Variants in ANO9 observed in about 807,000 individuals in gnomAD.
ANO9 encodes the protein anoctamin 9, also known as anoctamin-9.
A neutral mutation model predicts 100.5 loss-of-function variants in ANO9; 80 were observed. The ratio of observed to expected loss-of-function variants is 0.80; its 90% CI spans 0.66 to 0.96. The LOEUF (loss-of-function observed/expected upper bound fraction) is 0.96, where lower values mean the gene tolerates loss of function less well. Among genes scored for constraint, ANO9 ranks in the 40% least tolerant of loss-of-function variants. The pLI is 0.00. For missense variants in ANO9, 1,064 were observed against 1,072.7 expected (o/e 0.99, Z 0.11); for synonymous variants, 473 against 435.6 (o/e 1.09, Z -1.07).
rs1487739110 is a variant in ANO9 at position 433,940 on chromosome 11, G to A, written c.82-3C>T. On this transcript the variant is annotated splice_polypyrimidine_tract_variant and splice_region_variant and intron_variant, in intron 2 of 22. Transcript: ENST00000332826. The stretch of plus-strand genomic sequence containing the variant: ...TCCCACTGCTCGGAGGCCTCGGTCT[G>A]CAGGGAGGAGGCATGGGGCCAGGCG... 3 of 1,559,618 alleles carry A rather than the reference G, an allele frequency of 1.9e-6. No individual in the cohort carries two copies. The highest frequency in any genetic ancestry group is 2.6e-6 in the Non-Finnish European group (3 of 1,151,608).
chr11:428,748 C>T lies in ANO9; in HGVS notation c.994G>A (p.Val332Ile), dbSNP rs117136259. ...PYQHSYLRST[V>I]ILVLTLLMIC... is the part of the protein sequence containing the mutation. ...ATGAGCAGGGTCAGGACGAGGATGA[C>T]GGTGCTGCGTAGGTAGGAGTGCTGG... Residue 332 changes from valine (V) to isoleucine (I), a missense_variant, in exon 12 of 23, where the codon GTC (valine) becomes ATC (isoleucine). Coordinates refer to ENST00000332826, the MANE Select transcript of ANO9 (RefSeq NM_001012302.3). The T allele has an allele frequency of 2.5e-5, 40 of 1,613,352 alleles. 1 individual carries two copies. The East Asian group carries it at 3.8e-4, about 15-fold the overall frequency.
intron 1 of ANO9, among the ~76,000 whole-genome samples, chr11:436,353 C>T (rs541986904): frequency 1.4e-4 from 21 of 152,066 alleles, no homozygotes; most frequent in Non-Finnish European, 2.9e-4. Flanking sequence ...AGGTGTGAGC[C>T]ACCACGCCCG....
At chr11:435,548 GGTCTA>G (rs1383411168) in intron 1 of ANO9, among the ~76,000 whole-genome samples, 3 of 99,120 alleles carry the variant, frequency 3.0e-5, no homozygotes, top group Non-Finnish European at 6.3e-5. Context: ...AGTCTAGTAT[GGTCTA>G]GTCTAGTCTA....
At position 419,563 on chromosome 11, in the gene ANO9, A is replaced by G; in HGVS notation, c.1934+19T>C. On this transcript the variant is annotated intron_variant, in intron 20 of 22. Coordinates refer to ENST00000332826, the MANE Select transcript of ANO9 (RefSeq NM_001012302.3). ...GGGCCAGTTTCTCCCAGGGGTCTCC[A>G]GACACCCTGAGGCCTTACTCGACAG... The G allele has an allele frequency of 6.2e-7, 1 of 1,611,494 alleles. No homozygotes were observed. Among genetic ancestry groups the G allele is most frequent in the East Asian group, 2.2e-5 (1 of 44,860 alleles).
intron 9 of ANO9, 27 bp downstream of exon 9, chr11:430,044 TCTTCCGCAGGCC>T: frequency 6.5e-7 from 1 of 1,539,202 alleles, no homozygotes; most frequent in Non-Finnish European, 8.8e-7. Flanking sequence ...ACCGTTCCCA[TCTTCCGCAGGCC>T]CTGGGGTGGA....
At chr11:441,375 C>A (rs1276976736) in intron 1 of ANO9, among the ~76,000 whole-genome samples, 3 of 152,128 alleles carry the variant, frequency 2.0e-5, no homozygotes, top group Non-Finnish European at 4.4e-5. Flanking sequence ...CGCCCACCCC[C>A]AGAATCGGAA....
rs1847957225 is a variant in ANO9 at position 418,182 on chromosome 11, G to A, written c.*189C>T. On this transcript the variant is annotated 3_prime_UTR_variant, in exon 23 of 23. Transcript: ENST00000332826. ...AGTCAGGGCTGTGCCAAGCCTGAGA[G>A]CCCCCACAAAGACGGAGCAGGCGGA... The A allele has an allele frequency of 3.2e-6, 2 of 629,808 alleles. No homozygotes were observed. The allele number at this position is 629,808 out of a possible 1,614,324, so 39.0% of individuals were successfully genotyped here.
Position 433,340 on chromosome 11 carries a change from C to T in ANO9, c.324G>A (p.Ala108=), listed in dbSNP as rs377458433. ...EGPAPHAELA[A]PTTIPVTTSL... ...TCGTGGTGACCGGGATGGTGGTCGGCGCGGCCAGCTCGGCGTGGGGGGCAG... is the reference window on the plus strand; with the variant it reads ...TCGTGGTGACCGGGATGGTGGTCGGTGCGGCCAGCTCGGCGTGGGGGGCAG... Residue 108 remains alanine, a synonymous_variant, in exon 4 of 23, where the codon GCG becomes GCA. Coordinates refer to ENST00000332826, the MANE Select transcript of ANO9 (RefSeq NM_001012302.3). The T allele has an allele frequency of 2.4e-5, 38 of 1,612,598 alleles. No individual in the cohort carries two copies. In the African/African-American group the frequency reaches 4.0e-4, roughly 17 times the overall value.
intron 20 of ANO9, 47 bp from the exon 21 acceptor site, chr11:419,036 G>T: frequency 3.1e-6 from 5 of 1,610,258 alleles, no homozygotes; most frequent in Non-Finnish European, 3.4e-6. Flanking sequence ...CTTCCAGGGC[G>T]GCCCCTTCAG....
chr11:423,885 T>TCACACACA (rs57182615), intron 15 of ANO9, among the ~76,000 whole-genome samples: 26,001 of 143,162 alleles, frequency 0.18, 2,399 homozygotes, highest in Middle Eastern at 0.23. Context: ...AGTTGAATAC[T>TCACACACA]CACACACACA....
intron 1 of ANO9, among the ~76,000 whole-genome samples, chr11:440,895 G>A (rs573693139): frequency 8.6e-4 from 131 of 152,354 alleles, no homozygotes; most frequent in African/African-American, 2.8e-3. Context: ...CACCAGGCCC[G>A]GCTGCAACTG....
chr11:423,959 AGC>A (rs1343150415), intron 15 of ANO9, among the ~76,000 whole-genome samples: 1 of 149,982 alleles, frequency 6.7e-6, no homozygotes, highest in African/African-American at 2.5e-5. Flanking sequence ...CCCAGGCTGG[AGC>A]GCAATGGTGC....
chr11:432,102 C>T lies in ANO9; in HGVS notation c.351-48G>A, dbSNP rs1291008752. ...CCCCGTGTGACCACAGTGGACCCTG[C>T]CTCCAGGTCTCAACCTGCCCTCTGG... On this transcript the variant is annotated intron_variant, in intron 4 of 22. Transcript: ENST00000332826. This position sits in a 1 kb window ranked among gnomAD's most constrained non-coding sequence, Gnocchi z 4.8. The T allele has an allele frequency of 2.5e-6, 4 of 1,603,908 alleles. No homozygotes were observed. Among genetic ancestry groups the T allele is most frequent in the Non-Finnish European group, 1.7e-6 (2 of 1,173,890 alleles).
chr11:419,212 A>G (rs1353722035), intron 20 of ANO9: 2 of 1,429,498 alleles, frequency 1.4e-6, no homozygotes, highest in Non-Finnish European at 1.8e-6. Context: ...TTTCCCTGCC[A>G]GAGACTGGCC....
intron 15 of ANO9, among the ~76,000 whole-genome samples, chr11:427,273 C>A (rs1017610522): frequency 3.3e-5 from 5 of 151,706 alleles, no homozygotes; most frequent in Admixed American, 1.3e-4. Context: ...TTGCTTGAAC[C>A]CAGGAAGCAG....
intron 20 of ANO9, chr11:419,235 T>C: frequency 7.0e-7 from 1 of 1,424,510 alleles, no homozygotes; most frequent in Non-Finnish European, 9.1e-7. Context: ...GGGGACCCAG[T>C]CTGCAGTTTG....
In ANO9 at chr11:432,095, G is replaced by C. The variant is rs750012412; in HGVS notation, c.351-41C>G. On this transcript the variant is annotated intron_variant, in intron 4 of 22. Coordinates refer to ENST00000332826, the MANE Select transcript of ANO9 (RefSeq NM_001012302.3). The surrounding 1 kb of genome is among the most constrained non-coding windows in gnomAD (Gnocchi z 4.8). ...AGGGTGGCCCCGTGTGACCACAGTG[G>C]ACCCTGCCTCCAGGTCTCAACCTGC... 12 of 1,608,238 alleles carry C rather than the reference G, an allele frequency of 7.5e-6. 1 individual carries two copies. The South Asian group carries it at 1.3e-4, about 18-fold the overall frequency.
intron 1 of ANO9, among the ~76,000 whole-genome samples, chr11:435,910 T>TA (rs1849494295): frequency 6.6e-6 from 1 of 150,586 alleles, no homozygotes; most frequent in Non-Finnish European, 1.5e-5. Flanking sequence ...TATGGTCTAG[T>TA]ATGGTCTAGT....
At position 430,308 on chromosome 11, in the gene ANO9, A is replaced by G; in HGVS notation, c.635T>C (p.Phe212Ser). 2 of 1,605,098 alleles carry G rather than the reference A, an allele frequency of 1.2e-6. No homozygotes were observed. Among genetic ancestry groups the G allele is most frequent in the Non-Finnish European group, 1.7e-6 (2 of 1,176,804 alleles). ...CTCAAACAGCGAGAATCCGCTCAGA[A>G]AGACTAAGAGGCCCGTCAGGGCGGC... ...VPAALTGLLV[F>S]LSGFSLFEAS... The change falls in exon 8 of 23, where the codon TTT (phenylalanine) becomes TCT (serine). Residue 212 changes from phenylalanine (F) to serine (S), a missense_variant. Phe to Ser is a radical substitution (Grantham distance 155). Coordinates refer to ENST00000332826, the MANE Select transcript of ANO9 (RefSeq NM_001012302.3).
Sources: allele counts gnomAD v4.1 joint callset (sites outside exome capture counted in the v4.1 genomes callset), GRCh38; gene constraint gnomAD v4.1.1; non-coding constraint Gnocchi (gnomAD v3.1); transcripts MANE v1.5; gene names NCBI Gene and HGNC (gene_info 2026-07-23, HGNC 2026-07-21).